The following SENP7 variants were observed in gnomAD, a reference collection of about 807,000 sequenced individuals.
SENP7 encodes sentrin-specific protease 7.
Under a neutral mutation model 141.2 loss-of-function variants are expected in SENP7, and 64 were observed. That is an observed-to-expected ratio of 0.45 (90% CI 0.37 to 0.56). The LOEUF (loss-of-function observed/expected upper bound fraction) is 0.56. Ranked by LOEUF, SENP7 falls within the 20% of genes least tolerant of loss-of-function variation. The probability of loss-of-function intolerance (pLI) is 0.00; values close to 1 mark genes in which losing one functional copy is unlikely to be tolerated. For missense variants in SENP7, 1,025 were observed against 1,212.2 expected (o/e 0.85, Z 2.29); for synonymous variants, 382 against 426.4 (o/e 0.90, Z 1.28).
chr3:101,468,522 C>T (rs2107949689), intron 3 of SENP7, among the ~76,000 whole-genome samples: 1 of 152,250 alleles, frequency 6.6e-6, no homozygotes, highest in Non-Finnish European at 1.5e-5. Flanking sequence ...GGAAGAAACC[C>T]TATAAGCCAG....
At chr3:101,414,263 T>C (rs1301913685) in intron 5 of SENP7, 18 of 680,894 alleles carry the variant, frequency 2.6e-5, no homozygotes, top group East Asian at 2.3e-4. Context: ...GTAGAATCGA[T>C]GGTGAAGAGT....
At chr3:101,356,021 G>T (rs1439711822) in intron 11 of SENP7, among the ~76,000 whole-genome samples, 2 of 151,388 alleles carry the variant, frequency 1.3e-5, no homozygotes, top group African/African-American at 4.9e-5. Context: ...TGTTGCTGTT[G>T]GTGTATATGA....
chr3:101,356,202 G>A (rs1015132659), intron 11 of SENP7, among the ~76,000 whole-genome samples: 4 of 152,010 alleles, frequency 2.6e-5, no homozygotes, highest in Admixed American at 2.6e-4. Flanking sequence ...GTTACTTAAT[G>A]TAAGTTAACT....
chr3:101,448,332 T>C (rs1176593721), intron 4 of SENP7, among the ~76,000 whole-genome samples: 2 of 152,178 alleles, frequency 1.3e-5, no homozygotes, highest in African/African-American at 2.4e-5. Flanking sequence ...ATAAAATATA[T>C]GAAAATCATA....
At chr3:101,382,657 G>A (rs1316111851) in intron 6 of SENP7, among the ~76,000 whole-genome samples, 1 of 151,948 alleles carries the variant, frequency 6.6e-6, no homozygotes, top group African/African-American at 2.4e-5. Flanking sequence ...TATAATGGAA[G>A]GGCAAAAAAA....
intron 2 of SENP7, among the ~76,000 whole-genome samples, chr3:101,496,877 C>T (rs759232054): frequency 1.7e-4 from 26 of 152,334 alleles, no homozygotes; most frequent in Non-Finnish European, 1.2e-4. Context: ...CCCACCAGGC[C>T]CAGGCCAAAC....
intron 22 of SENP7, 127 bp downstream of exon 22, chr3:101,328,351 A>C: frequency 1.7e-6 from 1 of 605,120 alleles, no homozygotes; most frequent in Non-Finnish European, 2.9e-6. Context: ...GATTAAATTT[A>C]TAGGATTGTT....
intron 6 of SENP7, among the ~76,000 whole-genome samples, chr3:101,379,889 A>G (rs2107488200): frequency 6.6e-6 from 1 of 152,352 alleles, no homozygotes; most frequent in South Asian, 2.1e-4. Context: ...TCATAATGGC[A>G]TTACACACAA....
At chr3:101,330,272 A>T in intron 20 of SENP7, 62 bp downstream of exon 20, 1 of 1,243,980 alleles carries the variant, frequency 8.0e-7, no homozygotes, top group Admixed American at 1.7e-5. Flanking sequence ...GCTCTATTTT[A>T]CAGATAACAT....
intron 5 of SENP7, among the ~76,000 whole-genome samples, chr3:101,413,219 T>C (rs979291083): frequency 4.6e-5 from 7 of 152,024 alleles, no homozygotes; most frequent in East Asian, 1.9e-4. Context: ...TGAGTAGAAA[T>C]GAAAATAAAA....
intron 8 of SENP7, among the ~76,000 whole-genome samples, chr3:101,367,207 T>A (rs1477454274): frequency 6.6e-6 from 1 of 152,178 alleles, no homozygotes; most frequent in East Asian, 1.9e-4. Context: ...CTTCAATATC[T>A]CATTTACTAT....
At chr3:101,468,074 T>C (rs531831080) in intron 3 of SENP7, among the ~76,000 whole-genome samples, 3 of 152,264 alleles carry the variant, frequency 2.0e-5, no homozygotes, top group South Asian at 2.1e-4. Context: ...CAAGCTTCGA[T>C]AGACAATTCA....
At chr3:101,360,473 A>C (rs2059865897) in intron 11 of SENP7, among the ~76,000 whole-genome samples, 1 of 152,234 alleles carries the variant, frequency 6.6e-6, no homozygotes, top group Non-Finnish European at 1.5e-5. Flanking sequence ...CTTCCATTAG[A>C]TTAAAAGCTC....
chr3:101,348,799 T>TA (rs74452488), intron 12 of SENP7, among the ~76,000 whole-genome samples: 24,344 of 143,046 alleles, frequency 0.17, 1,959 homozygotes, highest in Admixed American at 0.24. Flanking sequence ...AAAGAAACAT[T>TA]AAAAAAAAAA....
Position 101,335,785 on chromosome 3 carries a change from G to A in SENP7, c.2480+1724C>T, listed in dbSNP as rs180747631. 2.4e-3 allele frequency among the ~76,000 whole-genome samples: 372 copies of A among 152,006 alleles called. 1 individual carries two copies. Among genetic ancestry groups the A allele is most frequent in the Middle Eastern group, 0.01 (3 of 294 alleles). ...CTGTATACATAAAACAGAACAGGAG[G>A]GCATCAGAAATGTTACCTAATTTAT... On this transcript the variant is annotated intron_variant, in intron 17 of 23. Coordinates refer to ENST00000394095, the MANE Select transcript of SENP7 (RefSeq NM_020654.5).
intron 6 of SENP7, among the ~76,000 whole-genome samples, chr3:101,376,467 T>TAC (rs2060331789): frequency 6.6e-6 from 1 of 152,256 alleles, no homozygotes; most frequent in Non-Finnish European, 1.5e-5. Context: ...TAAAACATAA[T>TAC]ACAGAGTAAC....
In SENP7 at chr3:101,482,262, G is replaced by A. The variant is rs372734507; in HGVS notation, c.186+11611C>T. Among the ~76,000 whole-genome samples the A allele has an allele frequency of 1.3e-4, 19 of 151,022 alleles. No homozygotes were observed. The South Asian group carries it at 1.5e-3, about 12-fold the overall frequency. On this transcript the variant is annotated intron_variant, in intron 3 of 23. Transcript: ENST00000394095. ...CAGGAGACGGAGCTTGCAGTGAGCC[G>A]AGATTGCACCACTGCACTCCAGCCT... is the stretch of plus-strand genomic sequence containing the variant.
chr3:101,398,756 G>T, intron 6 of SENP7, 105 bp downstream of exon 6: 1 of 828,576 alleles, frequency 1.2e-6, no homozygotes, highest in Non-Finnish European at 1.8e-6. Context: ...AGCTATCAGA[G>T]CACATTTACC....
At chr3:101,456,338 C>A (rs1447334639) in intron 4 of SENP7, among the ~76,000 whole-genome samples, 2 of 152,072 alleles carry the variant, frequency 1.3e-5, no homozygotes, top group African/African-American at 4.8e-5. Context: ...AAAAATACAT[C>A]ATTTTCCTTT....
Sources: allele counts gnomAD v4.1 joint callset (sites outside exome capture counted in the v4.1 genomes callset), GRCh38; gene constraint gnomAD v4.1.1; transcripts MANE v1.5; gene names NCBI Gene and HGNC (gene_info 2026-07-23, HGNC 2026-07-21).